The following HSF2 variants were observed in gnomAD, a reference collection of about 807,000 sequenced individuals.
The protein encoded by HSF2 is heat shock transcription factor 2.
Under a neutral mutation model 65.0 loss-of-function variants are expected in HSF2, and 21 were observed. The observed-to-expected ratio is 0.32, with a 90% CI of 0.23 to 0.47. HSF2 has a LOEUF of 0.47. Ranked by LOEUF, HSF2 falls within the 20% of genes least tolerant of loss-of-function variation. The probability of loss-of-function intolerance (pLI) is 1.00; values close to 1 mark genes in which losing one functional copy is unlikely to be tolerated. For synonymous variants in HSF2, 225 were observed against 219.1 expected (o/e 1.03, Z -0.24); for missense variants, 499 against 628.1 (o/e 0.79, Z 2.20).
upstream of HSF2, chr6:122,399,642 C>T: frequency 5.2e-6 from 5 of 964,076 alleles, no homozygotes; most frequent in East Asian, 5.3e-5. Context: ...GCTGCGCCTG[C>T]GTTGTGGGCG....
chr6:122,415,189 A>C (rs187563665), intron 4 of HSF2, among the ~76,000 whole-genome samples: 2 of 152,222 alleles, frequency 1.3e-5, no homozygotes, highest in Non-Finnish European at 2.9e-5. Context: ...AACGAAGAAG[A>C]AGCTATTCAT....
chr6:122,416,319 A>G lies in HSF2; in HGVS notation c.531+23A>G, dbSNP rs1013806199. On this transcript the variant is annotated intron_variant, in intron 5 of 12. Transcript: ENST00000368455. ...AAGGTAAGAAGCTCTTTTCCCCAGG[A>G]CCATAATTTGCATTTGTTTAATGAG... 16 of 1,561,054 alleles carry G rather than the reference A, an allele frequency of 1.0e-5. No homozygotes were observed. The African/African-American group carries it at 1.8e-4, about 17-fold the overall frequency.
chr6:122,427,305 G>C (rs1471072796), intron 10 of HSF2, among the ~76,000 whole-genome samples: 1 of 152,014 alleles, frequency 6.6e-6, no homozygotes, highest in Admixed American at 6.6e-5. Flanking sequence ...TGACTTTAAA[G>C]CTTATGACTT....
intron 10 of HSF2, among the ~76,000 whole-genome samples, chr6:122,426,623 A>G (rs575496007): frequency 5.3e-5 from 8 of 152,192 alleles, no homozygotes; most frequent in African/African-American, 1.9e-4. Context: ...GTAAGAAAGG[A>G]GAAGGAAATA....
In HSF2 at chr6:122,422,833, A is replaced by T. The variant is rs577591137; in HGVS notation, c.946A>T (p.Ser316Cys). Reference sequence around the variant, plus strand: ...AGCCAGAGAATCCCTAAGTTCAGGCAGTGATGGCAGCAGCCCTCTCATGTC... The same window carrying T: ...AGCCAGAGAATCCCTAAGTTCAGGCTGTGATGGCAGCAGCCCTCTCATGTC... ...EPARESLSSG[S>C]DGSSPLMSSA... is the part of the protein sequence containing the mutation. Residue 316 changes from serine (S) to cysteine (C), a missense_variant, in exon 9 of 13, where the codon AGT becomes TGT. Physicochemically the swap from Ser to Cys is moderately radical, Grantham distance 112. This residue lies in a region of HSF2 where 349 missense variants were observed against 393.5 expected (regional missense o/e 0.89). Coordinates refer to ENST00000368455, the MANE Select transcript of HSF2 (RefSeq NM_004506.4). 6.2e-7 allele frequency: 1 copy of T among 1,613,784 alleles called. No homozygotes were observed. Among genetic ancestry groups the T allele is most frequent in the East Asian group, 2.2e-5 (1 of 44,868 alleles).
At chr6:122,404,329 A>G (rs1425360345) in intron 1 of HSF2, among the ~76,000 whole-genome samples, 1 of 152,228 alleles carries the variant, frequency 6.6e-6, no homozygotes, top group Non-Finnish European at 1.5e-5. Flanking sequence ...TTTCAAAGTG[A>G]AAATAAGAAA....
At chr6:122,414,091 A>G (rs903528667) in intron 4 of HSF2, among the ~76,000 whole-genome samples, 1 of 152,170 alleles carries the variant, frequency 6.6e-6, no homozygotes, top group Non-Finnish European at 1.5e-5. Flanking sequence ...AAAGTAGGAC[A>G]CAAAAAAATC....
chr6:122,419,063 G>C, intron 5 of HSF2, 105 bp from the exon 6 acceptor site: 1 of 619,818 alleles, frequency 1.6e-6, no homozygotes, highest in Middle Eastern at 3.6e-4. Context: ...GAAATTATGA[G>C]ACTTAGAGGA....
chr6:122,428,021 G>A, intron 11 of HSF2, 65 bp downstream of exon 11: 1 of 1,001,884 alleles, frequency 1.0e-6, no homozygotes, highest in Non-Finnish European at 1.5e-6. Flanking sequence ...GTCCTAATAA[G>A]TAGAGAGCAA....
In HSF2 at chr6:122,399,673, T is replaced by G. The variant is rs1263571162; in HGVS notation, c.-65T>G. 2.2e-6 allele frequency: 3 copies of G among 1,393,672 alleles called. No individual in the cohort carries two copies. The highest frequency in any genetic ancestry group is 1.4e-5 in the African/African-American group (1 of 69,032). 86.3% of individuals were successfully genotyped at this position (1,393,672 alleles called of 1,614,324 possible). On this transcript the variant is annotated 5_prime_UTR_variant, in exon 1 of 13. Coordinates refer to ENST00000368455, the MANE Select transcript of HSF2 (RefSeq NM_004506.4). ...GGGCGTTCTCGGGGAGCTGCTGCCGTAGCTGCCGCCGCCGCTACCACCGCG... is the reference window on the plus strand; with the variant it reads ...GGGCGTTCTCGGGGAGCTGCTGCCGGAGCTGCCGCCGCCGCTACCACCGCG...
Position 122,423,582 on chromosome 6 carries a change from G to A in HSF2, c.1072G>A (p.Val358Ile), listed in dbSNP as rs765787227. ...LNDNINLLGK[V>I]ELLDYLDSID... ...TTAAAAAAATTTTTTTTTCCTTAGG[G>A]TTGAGCTGTTGGATTATCTTGACAG... The change falls in exon 10 of 13, where the codon GTT becomes ATT. Residue 358 changes from valine (V) to isoleucine (I), a missense_variant and splice_region_variant. Physicochemically the swap from Val to Ile is conservative, Grantham distance 29. Around this residue, in one of 2 missense-constraint regions of HSF2, gnomAD observed 349 missense variants for 393.5 expected, o/e 0.89. Transcript: ENST00000368455. The A allele has an allele frequency of 6.3e-7, 1 of 1,585,178 alleles. No homozygotes were observed. The highest frequency in any genetic ancestry group is 8.6e-7 in the Non-Finnish European group (1 of 1,163,478).
chr6:122,420,313 A>C, intron 7 of HSF2, 91 bp downstream of exon 7: 1 of 915,624 alleles, frequency 1.1e-6, no homozygotes, highest in South Asian at 2.1e-5. Context: ...AAGTGTGGTG[A>C]ATAACAATTC....
At chr6:122,405,777 A>G (rs2114421709) in intron 1 of HSF2, among the ~76,000 whole-genome samples, 1 of 152,322 alleles carries the variant, frequency 6.6e-6, no homozygotes, top group African/African-American at 2.4e-5. Context: ...CTTTCTCACT[A>G]CAAAGGTAGA....
In HSF2 at chr6:122,432,805, T is replaced by C. The variant is rs1774506596; in HGVS notation, c.*585T>C. The C allele has an allele frequency of 1.3e-5, 2 of 152,504 alleles. No individual in the cohort carries two copies. The highest frequency in any genetic ancestry group is 4.8e-5 in the African/African-American group (2 of 41,446). The allele number at this position is 152,504 out of a possible 1,614,324, so 9.4% of individuals were successfully genotyped here. On this transcript the variant is annotated 3_prime_UTR_variant, in exon 13 of 13. Transcript: ENST00000368455. ...GTGTACGTGAATGCTCGCTGTCTGA[T>C]AGGGTTCCAGCTCCATATATATAGA...
intron 1 of HSF2, among the ~76,000 whole-genome samples, chr6:122,410,673 C>G (rs535316): frequency 0.55 from 83,072 of 151,676 alleles, 22,976 homozygotes; most frequent in South Asian, 0.68. Flanking sequence ...AGTATTTGTT[C>G]TTTTGTGACT....
At position 122,422,926 on chromosome 6, in the gene HSF2, A is replaced by G. The variant is rs1774268947; in HGVS notation, c.1039A>G (p.Ile347Val). 3.7e-6 allele frequency: 6 copies of G among 1,613,478 alleles called. No homozygotes were observed. The highest frequency in any genetic ancestry group is 4.5e-5 in the East Asian group (2 of 44,856). ...AGATCCAGTGACCATGATGGATTCC[A>G]TTTTGAATGATAACATCAATCTTTT... is the stretch of plus-strand genomic sequence containing the variant. ...SEDPVTMMDSILNDNINLLGK... is the reference protein window; with the variant it reads ...SEDPVTMMDSVLNDNINLLGK... The change falls in exon 9 of 13, where the codon ATT (isoleucine) becomes GTT (valine). Residue 347 changes from isoleucine (I) to valine (V), a missense_variant. Physicochemically the swap from Ile to Val is conservative, Grantham distance 29. Around this residue, in one of 2 missense-constraint regions of HSF2, gnomAD observed 349 missense variants for 393.5 expected, o/e 0.89. Transcript: ENST00000368455.
chr6:122,400,501 G>A (rs1773702855), intron 1 of HSF2, among the ~76,000 whole-genome samples: 1 of 152,176 alleles, frequency 6.6e-6, no homozygotes, highest in Admixed American at 6.5e-5. Flanking sequence ...ACTAATAGGT[G>A]GTAACTTAGT....
intron 1 of HSF2, among the ~76,000 whole-genome samples, chr6:122,403,163 A>T (rs1368017281): frequency 6.6e-6 from 1 of 152,204 alleles, no homozygotes; most frequent in Non-Finnish European, 1.5e-5. Flanking sequence ...ATTTTCCTCG[A>T]AATTTGCAAT....
intron 8 of HSF2, 24 bp downstream of exon 8, chr6:122,422,322 GTATGAAAATATTGATTAC>G: frequency 1.3e-6 from 2 of 1,514,474 alleles, no homozygotes. Flanking sequence ...GAGATAAAAT[GTATGAAAATATTGATTAC>G]TTTTCTTATT....
Sources: gnomAD v4.1 joint callset for allele counts (sites outside exome capture counted in the v4.1 genomes callset) on GRCh38, gnomAD v4.1.1 for gene constraint, gnomAD v4.1.1 regional missense constraint, MANE v1.5 for transcripts, NCBI Gene and HGNC (gene_info 2026-07-23, HGNC 2026-07-21) for gene names.